Variants in ASPH observed in about 807,000 individuals in gnomAD.
The protein encoded by ASPH is aspartate beta-hydroxylase.
In ASPH, 100 loss-of-function variants were observed where a neutral mutation model predicts 118.4. The observed-to-expected ratio is 0.84, with a 90% CI of 0.72 to 1.00. The LOEUF (loss-of-function observed/expected upper bound fraction) is 1.00, where lower values mean the gene tolerates loss of function less well. Among genes scored for constraint, ASPH ranks in the 50% least tolerant of loss-of-function variants. ASPH has a pLI of 0.00. For synonymous variants in ASPH, 315 were observed against 325.6 expected, an observed-to-expected ratio of 0.97 and a Z score of 0.35; for missense variants, 920 against 919.5, an observed-to-expected ratio of 1.00 and a Z score of -0.01.
chr8:61,522,662 T>C (rs1198472852), intron 22 of ASPH, among the ~76,000 whole-genome samples: 1 of 152,182 alleles, frequency 6.6e-6, no homozygotes, highest in Non-Finnish European at 1.5e-5. Context: ...TTGGTACTTA[T>C]TCTCTCTCCT....
chr8:61,510,390 A>AT (rs576502718), intron 24 of ASPH, among the ~76,000 whole-genome samples: 15 of 152,156 alleles, frequency 9.9e-5, no homozygotes, highest in Non-Finnish European at 1.6e-4. Flanking sequence ...CTCAGGATGC[A>AT]TTTTTTCCTG....
At chr8:61,518,853 C>T (rs1056967732) in intron 22 of ASPH, among the ~76,000 whole-genome samples, 1 of 152,152 alleles carries the variant, frequency 6.6e-6, no homozygotes, top group Non-Finnish European at 1.5e-5. Context: ...ATTAGTTGCT[C>T]TTTGTATAGG....
intron 24 of ASPH, among the ~76,000 whole-genome samples, chr8:61,508,881 G>A (rs1807682730): frequency 6.6e-6 from 1 of 152,186 alleles, no homozygotes. Context: ...CTCTTACTGT[G>A]TCAATAAGAA....
intron 24 of ASPH, among the ~76,000 whole-genome samples, chr8:61,511,491 T>C (rs907264501): frequency 2.0e-5 from 3 of 152,200 alleles, no homozygotes; most frequent in East Asian, 1.9e-4. Flanking sequence ...CTGGGATCAT[T>C]CAAAGCTCAC....
At chr8:61,663,849 T>C (rs545748868) in intron 3 of ASPH, 3 of 978,462 alleles carry the variant, frequency 3.1e-6, no homozygotes, top group Non-Finnish European at 3.6e-6. Context: ...CTTTAAATAG[T>C]AAAAGGCGTT....
At chr8:61,664,126 T>C in intron 3 of ASPH, 1 of 967,490 alleles carries the variant, frequency 1.0e-6, no homozygotes, top group Non-Finnish European at 1.2e-6. Context: ...CACAATTAGA[T>C]ATTTAATATT....
chr8:61,699,502 A>G (rs756445718), intron 1 of ASPH, among the ~76,000 whole-genome samples: 1 of 152,242 alleles, frequency 6.6e-6, no homozygotes, highest in Non-Finnish European at 1.5e-5. Flanking sequence ...AATGAAGTAT[A>G]TTATCTCATG....
At chr8:61,545,411 G>C (rs1350159726) in intron 21 of ASPH, among the ~76,000 whole-genome samples, 1 of 152,152 alleles carries the variant, frequency 6.6e-6, no homozygotes, top group African/African-American at 2.4e-5. Flanking sequence ...TGTTACAGCA[G>C]CTTAAATGGA....
chr8:61,682,539 TAA>T (rs756176556), intron 2 of ASPH: 2 of 1,469,792 alleles, frequency 1.4e-6, no homozygotes, highest in African/African-American at 1.4e-5. Context: ...TACAAATACT[TAA>T]AGTGTCCTCT....
chr8:61,544,362 G>T (rs910195579), intron 21 of ASPH, among the ~76,000 whole-genome samples: 1 of 152,140 alleles, frequency 6.6e-6, no homozygotes, highest in African/African-American at 2.4e-5. Context: ...CATTCCCTCT[G>T]CCATTCTGAT....
intron 15 of ASPH, chr8:61,578,210 T>G: frequency 6.4e-7 from 1 of 1,570,846 alleles, no homozygotes; most frequent in Non-Finnish European, 8.6e-7. Context: ...CCTCCACTCC[T>G]GCCTCCACCA....
In ASPH at chr8:61,708,417, A is replaced by G. The variant is rs142636850; in HGVS notation, c.103+5852T>C. ...CAGATTTTGAGGTTTATGTAAGTCA[A>G]AAAATTAAGTGTCCTAAATAAAATT... is the stretch of plus-strand genomic sequence containing the variant. On this transcript the variant is annotated intron_variant, in intron 1 of 24. Transcript: ENST00000379454. 2.4e-3 allele frequency among the ~76,000 whole-genome samples: 369 copies of G among 152,352 alleles called. 1 individual carries two copies. Among genetic ancestry groups the G allele is most frequent in the African/African-American group, 8.2e-3 (343 of 41,580 alleles).
intron 1 of ASPH, 44 bp downstream of exon 1, chr8:61,714,225 C>A (rs1277262233): frequency 4.9e-6 from 7 of 1,428,446 alleles, no homozygotes; most frequent in Admixed American, 2.7e-5. Context: ...CGGCTCCCTA[C>A]CCCGAGGCGA....
At chr8:61,522,920 C>A (rs1449955845) in intron 22 of ASPH, among the ~76,000 whole-genome samples, 1 of 152,128 alleles carries the variant, frequency 6.6e-6, no homozygotes, top group Non-Finnish European at 1.5e-5. Context: ...AAGGCCCTAT[C>A]ACCAAATACA....
intron 13 of ASPH, among the ~76,000 whole-genome samples, chr8:61,626,768 T>C (rs919754262): frequency 1.3e-5 from 2 of 151,694 alleles, no homozygotes; most frequent in African/African-American, 4.8e-5. Flanking sequence ...AAAATTAAAA[T>C]AACATAAATG....
intron 16 of ASPH, among the ~76,000 whole-genome samples, chr8:61,568,479 G>A (rs1832495294): frequency 6.6e-6 from 1 of 152,180 alleles, no homozygotes; most frequent in African/African-American, 2.4e-5. Context: ...GCAAAAGCAA[G>A]TTTGGGGGCA....
chr8:61,619,247 A>C lies in ASPH; in HGVS notation c.935-228T>G, dbSNP rs576546289. On this transcript the variant is annotated intron_variant, in intron 13 of 24. Coordinates refer to ENST00000379454, the MANE Select transcript of ASPH (RefSeq NM_004318.4). Reference sequence around the variant, plus strand: ...TTATACTAAAAGTCACCAAGCACTGACTAGGCACCAGGCTAAGTACTCCTT... The same window carrying C: ...TTATACTAAAAGTCACCAAGCACTGCCTAGGCACCAGGCTAAGTACTCCTT... Among the ~76,000 whole-genome samples the C allele has an allele frequency of 3.9e-5, 6 of 152,310 alleles. No homozygotes were observed. The South Asian group carries it at 1.2e-3, about 32-fold the overall frequency.
intron 15 of ASPH, among the ~76,000 whole-genome samples, chr8:61,577,224 T>C (rs1835481246): frequency 6.6e-6 from 1 of 151,734 alleles, no homozygotes; most frequent in Admixed American, 6.6e-5. Flanking sequence ...ATACCTAATG[T>C]ACATGACGGG....
chr8:61,618,890 A>G, intron 14 of ASPH, 88 bp downstream of exon 14: 1 of 1,190,002 alleles, frequency 8.4e-7, no homozygotes, highest in Non-Finnish European at 1.2e-6. Flanking sequence ...TTAGTGACAT[A>G]AAATCATGTT....
Sources: allele counts gnomAD v4.1 joint callset (sites outside exome capture counted in the v4.1 genomes callset), GRCh38; gene constraint gnomAD v4.1.1; transcripts MANE v1.5; gene names NCBI Gene and HGNC (gene_info 2026-07-23, HGNC 2026-07-21).